Variants in SLC2A14 observed in about 807,000 individuals in gnomAD.
SLC2A14 encodes the protein solute carrier family 2 member 14.
A neutral mutation model predicts 43.0 loss-of-function variants in SLC2A14; 13 were observed. That is an observed-to-expected ratio of 0.30 (90% CI 0.20 to 0.48). SLC2A14 has a LOEUF of 0.48. Among genes scored for constraint, SLC2A14 ranks in the 20% least tolerant of loss-of-function variants. The pLI, the probability that SLC2A14 is intolerant of heterozygous loss-of-function variation, is 0.99. For synonymous variants in SLC2A14, 190 were observed against 233.8 expected (o/e 0.81, Z 1.71); for missense variants, 428 against 620.4 (o/e 0.69, Z 3.29).
At chr12:7,874,811 C>CATATATAAATAT (rs1565584688), upstream of SLC2A14, among the ~76,000 whole-genome samples, 4 of 8,452 alleles carry the variant, frequency 4.7e-4, no homozygotes, top group African/African-American at 6.8e-4. Context: ...TATATAAATA[C>CATATATAAATAT]GTATTTATAT....
At chr12:7,866,556 G>T (rs1458443974) in intron 2 of SLC2A14, among the ~76,000 whole-genome samples, 2 of 151,990 alleles carry the variant, frequency 1.3e-5, no homozygotes, top group African/African-American at 4.8e-5. Context: ...AGTAGAGACA[G>T]GGTTTCACTA....
chr12:7,834,526 CTCTCT>C (rs1176952406), intron 2 of SLC2A14, among the ~76,000 whole-genome samples: 13 of 85,326 alleles, frequency 1.5e-4, no homozygotes, highest in Admixed American at 1.4e-3. Flanking sequence ...CCCCTTCTCT[CTCTCT>C]TTTTTTTTTT....
chr12:7,815,887 T>C (rs769241787), intron 10 of SLC2A14, among the ~76,000 whole-genome samples: 47 of 148,880 alleles, frequency 3.2e-4, no homozygotes, highest in African/African-American at 1.1e-3. Context: ...GTTTTGTTTT[T>C]TTTTGTTTTT....
chr12:7,841,459 C>T (rs1198041134), intron 2 of SLC2A14, among the ~76,000 whole-genome samples: 1 of 151,998 alleles, frequency 6.6e-6, no homozygotes, highest in Non-Finnish European at 1.5e-5. Context: ...CGGGGTTTTG[C>T]CATGTTGGCC....
chr12:7,853,036 C>CTGATAGCT, intron 2 of SLC2A14, among the ~76,000 whole-genome samples: 1 of 152,104 alleles, frequency 6.6e-6, no homozygotes, highest in African/African-American at 2.4e-5. Context: ...ATGTTAATAT[C>CTGATAGCT]TGATAGCTTC....
chr12:7,880,690 CAAAAAAAAAAAAAAAAA>C (rs753621437), intron 1 of SLC2A14, among the ~76,000 whole-genome samples: 4 of 65,142 alleles, frequency 6.1e-5, no homozygotes, highest in South Asian at 4.4e-4. Context: ...AGCTGGGTCT[CAAAAAAAAAAAAAAAAA>C]AAAAAAAGAG....
chr12:7,862,794 A>C (rs1565565892), intron 2 of SLC2A14, among the ~76,000 whole-genome samples: 1 of 152,086 alleles, frequency 6.6e-6, no homozygotes, highest in Non-Finnish European at 1.5e-5. Context: ...GCACCAATTG[A>C]CACTCTTTAT....
chr12:7,817,023 T>C (rs1412820269), intron 10 of SLC2A14, among the ~76,000 whole-genome samples: 1 of 152,120 alleles, frequency 6.6e-6, no homozygotes, highest in African/African-American at 2.4e-5. Context: ...TTAAAACTTA[T>C]GATTTGTTTA....
At chr12:7,828,986 G>GTGAAA in intron 5 of SLC2A14, 120 bp from the exon 6 acceptor site, 1 of 1,246,824 alleles carries the variant, frequency 8.0e-7, no homozygotes, top group African/African-American at 1.5e-5. Context: ...ACTTTGGAAG[G>GTGAAA]CTGAGGCAGG....
At chr12:7,854,153 CT>C (rs1867162170) in intron 2 of SLC2A14, among the ~76,000 whole-genome samples, 1 of 152,188 alleles carries the variant, frequency 6.6e-6, no homozygotes, top group African/African-American at 2.4e-5. Context: ...CAAAAAGCCT[CT>C]CAAATTAAGC....
intron 1 of SLC2A14, among the ~76,000 whole-genome samples, chr12:7,885,705 T>C (rs1327746850): frequency 6.6e-6 from 1 of 151,932 alleles, no homozygotes; most frequent in Admixed American, 6.6e-5. Context: ...AAATCAGAGA[T>C]TCATAAAGGA....
chr12:7,841,712 A>C (rs1337343957), intron 2 of SLC2A14, among the ~76,000 whole-genome samples: 1 of 152,098 alleles, frequency 6.6e-6, no homozygotes, highest in Non-Finnish European at 1.5e-5. Flanking sequence ...CTGCCCTAAA[A>C]ATCCCATGTT....
intron 1 of SLC2A14, among the ~76,000 whole-genome samples, chr12:7,884,069 G>A (rs1035638422): frequency 4.7e-5 from 7 of 150,244 alleles, no homozygotes; most frequent in African/African-American, 9.8e-5. Context: ...GACTACAGGC[G>A]CCTGCCACCA....
At chr12:7,827,876 C>T (rs747033087) in intron 6 of SLC2A14, among the ~76,000 whole-genome samples, 194 bp from the exon 7 acceptor site, 2 of 152,080 alleles carry the variant, frequency 1.3e-5, no homozygotes, top group Non-Finnish European at 2.9e-5. Context: ...TGCGGTGGCT[C>T]GTGCCTGTAA....
upstream of SLC2A14, among the ~76,000 whole-genome samples, chr12:7,875,262 C>T (rs12818969): frequency 7.2e-3 from 957 of 133,234 alleles, 14 homozygotes; most frequent in Non-Finnish European, 8.9e-3. Flanking sequence ...TATATAATTT[C>T]TTTGGGAGAC....
At chr12:7,887,558 C>CAGATAGAT (rs58618647) in intron 1 of SLC2A14, among the ~76,000 whole-genome samples, 36 of 148,538 alleles carry the variant, frequency 2.4e-4, no homozygotes, top group African/African-American at 3.7e-4. Context: ...GTAGATAAAT[C>CAGATAGAT]AGATAGATAG....
intron 2 of SLC2A14, among the ~76,000 whole-genome samples, chr12:7,835,606 G>A (rs753286305): frequency 2.6e-5 from 4 of 152,146 alleles, no homozygotes; most frequent in Non-Finnish European, 5.9e-5. Context: ...GCAGCTTTGT[G>A]GGATGGGTGC....
At chr12:7,881,807 C>G (rs1258656272) in intron 1 of SLC2A14, among the ~76,000 whole-genome samples, 5 of 152,182 alleles carry the variant, frequency 3.3e-5, no homozygotes, top group Admixed American at 6.5e-5. Context: ...AATCGGCACT[C>G]TGTATCTAGC....
At chr12:7,882,516 C>T (rs1381089141) in intron 1 of SLC2A14, among the ~76,000 whole-genome samples, 2 of 152,038 alleles carry the variant, frequency 1.3e-5, no homozygotes, top group African/African-American at 4.8e-5. Context: ...CGAAACTTAC[C>T]TCTCAAAGAA....
Sources: gnomAD v4.1 joint callset for allele counts (sites outside exome capture counted in the v4.1 genomes callset) on GRCh38, gnomAD v4.1.1 for gene constraint, MANE v1.5 for transcripts, NCBI Gene and HGNC (gene_info 2026-07-23, HGNC 2026-07-21) for gene names.